Variants in GPC3 observed in about 807,000 individuals in gnomAD.
GPC3 encodes the protein glypican 3, also known as glypican-3.
GPC3 carries 3 observed loss-of-function variants against 34.4 expected under a neutral mutation model. The observed-to-expected ratio is 0.09, with a 90% CI of 0.04 to 0.23. GPC3 has a LOEUF of 0.23. Among genes scored for constraint, GPC3 ranks in the 10% least tolerant of loss-of-function variants. The pLI, the probability that GPC3 is intolerant of heterozygous loss-of-function variation, is 1.00. For synonymous variants in GPC3, 177 were observed against 174.0 expected, an observed-to-expected ratio of 1.02 and a Z score of -0.13; for missense variants, 351 against 445.6, an observed-to-expected ratio of 0.79 and a Z score of 1.91.
intron 6 of GPC3, among the ~76,000 whole-genome samples, chrX:133,598,235 C>T (rs1603184107): frequency 2.7e-5 from 3 of 111,024 alleles, no homozygotes; most frequent in African/African-American, 9.8e-5. Flanking sequence ...TCACTGCAGC[C>T]TCAACCTCGC....
intron 6 of GPC3, among the ~76,000 whole-genome samples, chrX:133,658,013 G>A (rs1350407830): frequency 9.0e-6 from 1 of 111,171 alleles, no homozygotes; most frequent in African/African-American, 3.3e-5. Context: ...CACCGAGCAA[G>A]GGGCTTAGGA....
chrX:133,777,519 C>A (rs1169790916), intron 2 of GPC3, among the ~76,000 whole-genome samples: 4 of 111,591 alleles, frequency 3.6e-5, no homozygotes, highest in Non-Finnish European at 5.6e-5. Context: ...TACAAAAGCC[C>A]ATCATGAAAC....
intron 7 of GPC3, among the ~76,000 whole-genome samples, chrX:133,584,182 T>C (rs1026052093): frequency 1.8e-5 from 2 of 112,204 alleles, no homozygotes; most frequent in African/African-American, 6.5e-5. Context: ...CCCTATTGAA[T>C]ATGGGACCAA....
intron 3 of GPC3, among the ~76,000 whole-genome samples, chrX:133,741,120 G>C (rs1042695437): frequency 9.1e-6 from 1 of 109,589 alleles, no homozygotes; most frequent in African/African-American, 3.3e-5. Flanking sequence ...TTCCCCACAG[G>C]GTTCACATGC....
At chrX:133,848,608 AT>A (rs975462971) in intron 2 of GPC3, among the ~76,000 whole-genome samples, 12 of 110,996 alleles carry the variant, frequency 1.1e-4, no homozygotes, top group East Asian at 8.4e-4. Context: ...ACACTGATTA[AT>A]TTTTTTTTCA....
At chrX:133,631,164 T>G (rs980946656) in intron 6 of GPC3, among the ~76,000 whole-genome samples, 1 of 111,881 alleles carries the variant, frequency 8.9e-6, no homozygotes, top group East Asian at 2.8e-4. Flanking sequence ...AGTTCAGTAG[T>G]GTTAAATATA....
At chrX:133,577,400 A>C (rs992275792) in intron 7 of GPC3, among the ~76,000 whole-genome samples, 10 of 112,524 alleles carry the variant, frequency 8.9e-5, no homozygotes, top group Non-Finnish European at 1.9e-5. Context: ...AGATGTATAT[A>C]GTCTAATTAT....
intron 2 of GPC3, among the ~76,000 whole-genome samples, chrX:133,905,901 A>G (rs754336100): frequency 4.9e-4 from 55 of 112,097 alleles, no homozygotes; most frequent in African/African-American, 1.6e-3. Context: ...TCTTAATAGT[A>G]CTGTCTGCAA....
intron 5 of GPC3, among the ~76,000 whole-genome samples, chrX:133,663,418 C>T (rs1305243614): frequency 2.7e-5 from 3 of 111,506 alleles, no homozygotes; most frequent in Non-Finnish European, 5.7e-5. Context: ...AGCCACCGAG[C>T]CTGGCCAATT....
chrX:133,581,344 A>G (rs1189869947), intron 7 of GPC3, among the ~76,000 whole-genome samples: 1 of 112,422 alleles, frequency 8.9e-6, no homozygotes, highest in Non-Finnish European at 1.9e-5. Context: ...ATAACTTTGG[A>G]AGACAGAAAT....
chrX:133,733,372 A>C (rs1390930134), intron 3 of GPC3, among the ~76,000 whole-genome samples: 1 of 111,368 alleles, frequency 9.0e-6, no homozygotes, highest in East Asian at 2.8e-4. Flanking sequence ...TCATGGACTA[A>C]AATCTCAGAA....
intron 2 of GPC3, among the ~76,000 whole-genome samples, chrX:133,913,873 T>TC (rs1409809211): frequency 9.3e-6 from 1 of 107,527 alleles, no homozygotes; most frequent in African/African-American, 3.4e-5. Context: ...TCCCAGACTC[T>TC]CCAAGAGTCT....
chrX:133,897,134 C>T (rs761626720), intron 2 of GPC3, among the ~76,000 whole-genome samples: 5 of 108,247 alleles, frequency 4.6e-5, no homozygotes, highest in Admixed American at 9.9e-5. Context: ...TCTCGATCTC[C>T]GGACCTCATG....
intron 2 of GPC3, among the ~76,000 whole-genome samples, chrX:133,857,484 C>T (rs900638260): frequency 8.0e-5 from 9 of 111,848 alleles, no homozygotes; most frequent in African/African-American, 2.6e-4. Context: ...GTGCCCAAAG[C>T]TATGAGTTCA....
intron 2 of GPC3, among the ~76,000 whole-genome samples, chrX:133,858,285 G>A (rs1039160319): frequency 8.9e-6 from 1 of 111,936 alleles, no homozygotes; most frequent in Non-Finnish European, 1.9e-5. Flanking sequence ...TTAGGAAAAG[G>A]CGTCCCCGCT....
intron 7 of GPC3, among the ~76,000 whole-genome samples, chrX:133,580,398 A>G (rs1459182775): frequency 8.9e-6 from 1 of 112,037 alleles, no homozygotes; most frequent in East Asian, 2.8e-4. Context: ...TTCCTCAGAT[A>G]CTGCCCAAAT....
intron 2 of GPC3, among the ~76,000 whole-genome samples, chrX:133,952,057 AAGAC>A (rs2076395150): frequency 9.0e-6 from 1 of 110,749 alleles, no homozygotes; most frequent in Admixed American, 9.7e-5. Context: ...GGATAGAAGA[AAGAC>A]TGATAATTAA....
intron 2 of GPC3, among the ~76,000 whole-genome samples, chrX:133,935,449 T>C (rs1292228465): frequency 9.0e-6 from 1 of 111,025 alleles, no homozygotes; most frequent in Non-Finnish European, 1.9e-5. Flanking sequence ...TTTAAATGTC[T>C]TTTTCTTCTG....
intron 6 of GPC3, among the ~76,000 whole-genome samples, chrX:133,635,127 C>T (rs1028226197): frequency 8.9e-6 from 1 of 111,936 alleles, no homozygotes; most frequent in Admixed American, 9.6e-5. Context: ...TCTTTTTCAT[C>T]CCACAGCCAA....
Sources: allele counts gnomAD v4.1 joint callset (sites outside exome capture counted in the v4.1 genomes callset), GRCh38; gene constraint gnomAD v4.1.1; transcripts MANE v1.5; gene names NCBI Gene and HGNC (gene_info 2026-07-23, HGNC 2026-07-21).